SNAPIN: variants seen among roughly 807,000 people sequenced by gnomAD.
SNAPIN encodes SNARE-associated protein Snapin.
A neutral mutation model predicts 15.9 loss-of-function variants in SNAPIN; 16 were observed. The observed-to-expected ratio is 1.01, with a 90% confidence interval of 0.68 to 1.53. The LOEUF is 1.53. Ranked by LOEUF, SNAPIN falls within the 40% of genes most tolerant of loss-of-function variation. SNAPIN has a pLI of 0.00. For synonymous variants in SNAPIN, 83 were observed against 76.2 expected (o/e 1.09, Z -0.46); for missense variants, 186 against 180.1 (o/e 1.03, Z -0.19).
At chr1:153,659,095 T>C in intron 1 of SNAPIN, 43 bp from the exon 2 acceptor site, 2 of 1,610,326 alleles carry the variant, frequency 1.2e-6, no homozygotes, top group Non-Finnish European at 1.7e-6. Flanking sequence ...TTTCCTGAGC[T>C]CCGGTAACTG....
rs1557949679 is a variant in SNAPIN, at chr1:153,661,196, G to C, written c.310-4G>C. 6.2e-7 allele frequency: 1 copy of C among 1,612,838 alleles called. No individual in the cohort carries two copies. Among genetic ancestry groups the C allele is most frequent in the Non-Finnish European group, 8.5e-7 (1 of 1,179,104 alleles). On this transcript the variant is annotated splice_region_variant and splice_polypyrimidine_tract_variant and intron_variant, in intron 3 of 3. Coordinates refer to ENST00000368685, the MANE Select transcript of SNAPIN (RefSeq NM_012437.6). ...TAAGATTCCAAACCTTCCTTGTCTT[G>C]TAGGAACGACTGAGACGGCTAAACC... is the stretch of plus-strand genomic sequence containing the variant.
chr1:153,661,179 C>T, intron 3 of SNAPIN, 21 bp from the exon 4 acceptor site: 1 of 1,608,116 alleles, frequency 6.2e-7, no homozygotes, highest in East Asian at 2.2e-5. Flanking sequence ...GTTAAGATTC[C>T]AAACCTTCCT....
rs1375182476 is a variant in SNAPIN, at chr1:153,658,752, G to T, written c.9G>T (p.Gly3=). Residue 3 remains glycine, a synonymous_variant, in exon 1 of 4, where the codon GGG becomes GGT. Transcript: ENST00000368685. MA[G]AGSAAVSGAG... ...CTTCAGGACAATTCGTGATGGCGGG[G>T]GCTGGTTCCGCCGCTGTATCGGGGG... 6 of 1,564,394 alleles carry T rather than the reference G, an allele frequency of 3.8e-6. No individual in the cohort carries two copies. Among genetic ancestry groups the T allele is most frequent in the South Asian group, 1.2e-5 (1 of 84,780 alleles).
chr1:153,658,965 G>A, intron 1 of SNAPIN, 79 bp downstream of exon 1: 1 of 1,598,598 alleles, frequency 6.3e-7, no homozygotes, highest in Non-Finnish European at 8.5e-7. Context: ...TTCTGGCTGG[G>A]AGTGGGCATA....
At chr1:153,658,923 T>C in intron 1 of SNAPIN, 37 bp downstream of exon 1, 1 of 1,605,626 alleles carries the variant, frequency 6.2e-7, no homozygotes, top group South Asian at 1.1e-5. Flanking sequence ...GGCCTGTCTC[T>C]CTGGCTTTGT....
At chr1:153,658,948 G>T in intron 1 of SNAPIN, 62 bp downstream of exon 1, 1 of 1,599,438 alleles carries the variant, frequency 6.3e-7, no homozygotes, top group East Asian at 2.2e-5. Flanking sequence ...GCGGGGCCAA[G>T]AAAGTGTTCT....
chr1:153,659,416 A>G, intron 2 of SNAPIN, 32 bp from the exon 3 acceptor site: 1 of 1,544,306 alleles, frequency 6.5e-7, no homozygotes, highest in South Asian at 1.1e-5. Flanking sequence ...ATAAGCCGTT[A>G]GATCTTAGCT....
intron 3 of SNAPIN, among the ~76,000 whole-genome samples, 176 bp from the exon 4 acceptor site, chr1:153,661,024 C>G (rs1467203669): frequency 6.6e-6 from 1 of 151,654 alleles, no homozygotes; most frequent in African/African-American, 2.4e-5. Flanking sequence ...CCCGCCTCAG[C>G]CTCCCAAAGT....
At chr1:153,660,651 G>GAAAA (rs936959398) in intron 3 of SNAPIN, among the ~76,000 whole-genome samples, 1 of 112,542 alleles carries the variant, frequency 8.9e-6, no homozygotes, top group Non-Finnish European at 1.8e-5. Flanking sequence ...TCCGTCTCGG[G>GAAAA]AAAAAAAAAA....
At position 153,658,775 on chromosome 1, in the gene SNAPIN, G is replaced by A; in HGVS notation, c.32G>A (p.Gly11Glu). 1 of 1,580,088 alleles carries A rather than the reference G, an allele frequency of 6.3e-7. No homozygotes were observed. Among genetic ancestry groups the A allele is most frequent in the Admixed American group, 2.1e-5 (1 of 48,720 alleles). Residue 11 changes from glycine (G) to glutamate (E), a missense_variant, in exon 1 of 4, where the codon GGG (glycine) becomes GAG (glutamate). Gly to Glu is a moderately conservative substitution (Grantham distance 98). Coordinates refer to ENST00000368685, the MANE Select transcript of SNAPIN (RefSeq NM_012437.6). MAGAGSAAVS[G>E]AGTPVAGPTG... ...GGGGCTGGTTCCGCCGCTGTATCGG[G>A]GGCAGGGACCCCGGTGGCGGGGCCC... is the stretch of plus-strand genomic sequence containing the variant.
chr1:153,659,399 A>C (rs1669094634), intron 2 of SNAPIN, 49 bp from the exon 3 acceptor site: 2 of 1,483,862 alleles, frequency 1.3e-6, no homozygotes, highest in Non-Finnish European at 1.9e-6. Flanking sequence ...TTCCCTCAGA[A>C]CAAGAGATAA....
At chr1:153,660,651 GAAAAA>G (rs936959398) in intron 3 of SNAPIN, among the ~76,000 whole-genome samples, 4 of 112,546 alleles carry the variant, frequency 3.6e-5, no homozygotes, top group Non-Finnish European at 3.6e-5. Context: ...TCCGTCTCGG[GAAAAA>G]AAAAAAAAAA....
chr1:153,659,053 C>T (rs1413554739), intron 1 of SNAPIN, 85 bp from the exon 2 acceptor site: 2 of 1,567,500 alleles, frequency 1.3e-6, no homozygotes, highest in Non-Finnish European at 1.8e-6. Context: ...GCCGGCTTCT[C>T]TCAGTACTTG....
Position 153,658,773 on chromosome 1 carries a change from G to A in SNAPIN, c.30G>A (p.Ser10=), listed in dbSNP as rs776042656. Residue 10 remains serine, a synonymous_variant, in exon 1 of 4, where the codon TCG becomes TCA. Coordinates refer to ENST00000368685, the MANE Select transcript of SNAPIN (RefSeq NM_012437.6). ...CGGGGGCTGGTTCCGCCGCTGTATC[G>A]GGGGCAGGGACCCCGGTGGCGGGGC... The part of the protein sequence containing the change: MAGAGSAAV[S]GAGTPVAGPT... 6.3e-7 allele frequency: 1 copy of A among 1,576,818 alleles called. No individual in the cohort carries two copies. Among genetic ancestry groups the A allele is most frequent in the Non-Finnish European group, 8.6e-7 (1 of 1,168,480 alleles).
Position 153,659,632 on chromosome 1 carries a change from C to T in SNAPIN, c.309+66C>T. On this transcript the variant is annotated intron_variant, in intron 3 of 3. Transcript: ENST00000368685. The stretch of plus-strand genomic sequence containing the variant: ...TTGTAAGTCCTCAACACAGTGAAAG[C>T]CACTGTAATTTTAAAATTCTTTGGG... 4 of 1,082,030 alleles carry T rather than the reference C, an allele frequency of 3.7e-6. No homozygotes were observed. In the Admixed American group the frequency reaches 5.8e-5, roughly 16 times the overall value. 67.0% of individuals were successfully genotyped at this position (1,082,030 alleles called of 1,614,324 possible).
rs536505859 is a variant in SNAPIN at position 153,661,419 on chromosome 1, C to T, written c.*118C>T. The T allele has an allele frequency of 5.1e-6, 4 of 778,290 alleles. No individual in the cohort carries two copies. The highest frequency in any genetic ancestry group is 2.9e-5 in the East Asian group (1 of 34,408). 48.2% of individuals were successfully genotyped at this position (778,290 alleles called of 1,614,324 possible). ...GACCTTCAGACATTAAAAAGGGAGC[C>T]GTACAGTTTGTTTGAAGCACTTCGT... On this transcript the variant is annotated 3_prime_UTR_variant, in exon 4 of 4. Transcript: ENST00000368685.
Position 153,659,531 on chromosome 1 carries a change from G to A in SNAPIN, c.274G>A (p.Val92Ile), listed in dbSNP as rs376802072. 16 of 1,613,610 alleles carry A rather than the reference G, an allele frequency of 9.9e-6. No homozygotes were observed. The highest frequency in any genetic ancestry group is 2.2e-5 in the East Asian group (1 of 44,892). Reference protein sequence around the residue: ...VKKLLNARRRVVLVNNILQNA... With the variant: ...VKKLLNARRRIVLVNNILQNA... ...GAAGCTACTTAATGCCCGGCGACGC[G>A]TTGTCTTGGTTAACAACATTCTACA... is the stretch of plus-strand genomic sequence containing the variant. The change falls in exon 3 of 4, where the codon GTT becomes ATT. Residue 92 changes from valine (V) to isoleucine (I), a missense_variant. Coordinates refer to ENST00000368685, the MANE Select transcript of SNAPIN (RefSeq NM_012437.6).
Position 153,658,724 on chromosome 1 carries a change from G to C in SNAPIN, c.-20G>C. On this transcript the variant is annotated 5_prime_UTR_variant, in exon 1 of 4. Coordinates refer to ENST00000368685, the MANE Select transcript of SNAPIN (RefSeq NM_012437.6). Reference sequence around the variant, plus strand: ...CCCGGCGGCCCTCGCGGCAGGTTTCGGGCTTCAGGACAATTCGTGATGGCG... The same window carrying C: ...CCCGGCGGCCCTCGCGGCAGGTTTCCGGCTTCAGGACAATTCGTGATGGCG... 1 of 1,514,578 alleles carries C rather than the reference G, an allele frequency of 6.6e-7. No homozygotes were observed. The highest frequency in any genetic ancestry group is 1.3e-5 in the South Asian group (1 of 76,102). 93.8% of individuals were successfully genotyped at this position (1,514,578 alleles called of 1,614,324 possible).
At chr1:153,658,974 TA>T in intron 1 of SNAPIN, 88 bp downstream of exon 1, 1 of 1,592,668 alleles carries the variant, frequency 6.3e-7, no homozygotes, top group Non-Finnish European at 8.6e-7. Context: ...GGAGTGGGCA[TA>T]AATTTAGGAA....
Sources: allele counts gnomAD v4.1 joint callset (sites outside exome capture counted in the v4.1 genomes callset), GRCh38; gene constraint gnomAD v4.1.1; transcripts MANE v1.5; gene names NCBI Gene and HGNC (gene_info 2026-07-23, HGNC 2026-07-21).